Variants in TET2 observed in about 807,000 individuals in gnomAD.
TET2 encodes the protein methylcytosine dioxygenase TET2.
TET2 carries 299 observed loss-of-function variants against 142.9 expected under a neutral mutation model. That is an observed-to-expected ratio of 2.09 (90% CI 1.90 to 2.30). The LOEUF is 2.30. TET2 is among the 30% of genes most tolerant of loss of function. TET2 has a pLI of 0.00. For missense variants in TET2, 2,418 were observed against 2,378.0 expected (o/e 1.02, Z -0.35); for synonymous variants, 819 against 849.0 (o/e 0.96, Z 0.61).
In TET2 at chr4:105,146,926, A is replaced by T. The variant is rs1723049856; in HGVS notation, c.-246A>T. 1 of 152,380 alleles carries T rather than the reference A, an allele frequency of 6.6e-6. No homozygotes were observed. Among genetic ancestry groups the T allele is most frequent in the Non-Finnish European group, 1.5e-5 (1 of 68,202 alleles). The allele number at this position is 152,380 out of a possible 1,614,324, so 9.4% of individuals were successfully genotyped here. On this transcript the variant is annotated 5_prime_UTR_variant, in exon 1 of 11. It adds an upstream start codon to the 5' untranslated region. Coordinates refer to ENST00000380013, the MANE Select transcript of TET2 (RefSeq NM_001127208.3). The stretch of plus-strand genomic sequence containing the variant: ...GGCTGCCCTTTAGGATTTGTTAGAA[A>T]GGAGACCCGACTGCAACTGCTGGAT...
At chr4:105,252,439 G>A (rs946151429) in intron 6 of TET2, among the ~76,000 whole-genome samples, 2 of 152,116 alleles carry the variant, frequency 1.3e-5, no homozygotes, top group African/African-American at 4.8e-5. Context: ...CATCTTAGTT[G>A]CTTCCAAGTT....
chr4:105,247,714 CTTTTTTTTTTTT>C (rs1206510081), intron 6 of TET2, among the ~76,000 whole-genome samples: 25 of 65,312 alleles, frequency 3.8e-4, no homozygotes, highest in African/African-American at 1.2e-3. Flanking sequence ...TTTTTCTTTT[CTTTTTTTTTTTT>C]TTTTTTTTTT....
At chr4:105,148,296 C>G (rs1044860149) in intron 1 of TET2, among the ~76,000 whole-genome samples, 3 of 152,168 alleles carry the variant, frequency 2.0e-5, no homozygotes, top group Non-Finnish European at 4.4e-5. Flanking sequence ...CTCCCTTCTT[C>G]ATCTAATGTT....
At chr4:105,266,774 T>C (rs531209495) in intron 8 of TET2, among the ~76,000 whole-genome samples, 40 of 152,034 alleles carry the variant, frequency 2.6e-4, no homozygotes, top group Admixed American at 5.2e-4. Flanking sequence ...GTTACACTAA[T>C]ATATGTGTAA....
chr4:105,170,207 C>T (rs116428948), intron 1 of TET2, among the ~76,000 whole-genome samples: 20 of 152,236 alleles, frequency 1.3e-4, no homozygotes, highest in African/African-American at 4.3e-4. Context: ...TCTGCTTTCT[C>T]CAGTAGATGT....
At chr4:105,169,877 A>G (rs1488671487) in intron 1 of TET2, among the ~76,000 whole-genome samples, 1 of 152,068 alleles carries the variant, frequency 6.6e-6, no homozygotes, top group Non-Finnish European at 1.5e-5. Flanking sequence ...TGCTTTGTCA[A>G]AGGTCAGTTG....
At position 105,275,927 on chromosome 4, in the gene TET2, A is replaced by ATGATAGAACTGCT; in HGVS notation, c.5420_5432dup (p.Cys1811Ter). 1 of 1,552,046 alleles carries ATGATAGAACTGCT rather than the reference A, an allele frequency of 6.4e-7. No homozygotes were observed. The highest frequency in any genetic ancestry group is 8.7e-7 in the Non-Finnish European group (1 of 1,147,040). On this transcript the variant is annotated frameshift_variant, in exon 11 of 11. Coordinates refer to ENST00000380013, the MANE Select transcript of TET2 (RefSeq NM_001127208.3). LOFTEE classifies it low-confidence loss of function (END_TRUNC). ...TCAAAGATGCTTCCAGCTCTTAACC[A>ATGATAGAACTGCT]TGATAGAACTGCTTGTGTCCAAGGA...
intron 1 of TET2, among the ~76,000 whole-genome samples, chr4:105,169,467 T>C (rs1306987403): frequency 1.3e-5 from 2 of 152,224 alleles, no homozygotes; most frequent in Non-Finnish European, 2.9e-5. Context: ...TCCTTGTAGA[T>C]TCTAGATATT....
chr4:105,247,518 C>CT (rs1362528388), intron 6 of TET2, among the ~76,000 whole-genome samples: 1 of 152,044 alleles, frequency 6.6e-6, no homozygotes, highest in South Asian at 2.1e-4. Context: ...TCACAAGCCT[C>CT]TTTTTATTTA....
At chr4:105,232,254 C>T (rs1728552009) in intron 2 of TET2, among the ~76,000 whole-genome samples, 1 of 152,136 alleles carries the variant, frequency 6.6e-6, no homozygotes, top group Non-Finnish European at 1.5e-5. Flanking sequence ...CTTTCTTTAT[C>T]CAGTCTACTA....
Position 105,276,201 on chromosome 4 carries a change from CTCCCTCGTCT to C in TET2, c.5693_5702del (p.Ser1898PhefsTer7). On this transcript the variant is annotated frameshift_variant, in exon 11 of 11. Transcript: ENST00000380013. LOFTEE classifies it high-confidence loss of function. ...CCAATAGGAATCACCCCACCAGGAT[CTCCCTCGTCT>C]TTTACCAGCATAAGAGCATGAATGA... 6.4e-7 allele frequency: 1 copy of C among 1,551,650 alleles called. No homozygotes were observed. Among genetic ancestry groups the C allele is most frequent in the Non-Finnish European group, 8.7e-7 (1 of 1,146,980 alleles).
In TET2 at chr4:105,278,887, C is replaced by T; in HGVS notation, c.*2368C>T. 1 of 233,006 alleles carries T rather than the reference C, an allele frequency of 4.3e-6. No homozygotes were observed. The highest frequency in any genetic ancestry group is 6.1e-5 in the East Asian group (1 of 16,508). 14.4% of individuals were successfully genotyped at this position (233,006 alleles called of 1,614,324 possible). ...ACTGAAGGTACATACTCCATGTGGACTTCCCTTAAACAGGCAAACACCTAC... is the reference window on the plus strand; with the variant it reads ...ACTGAAGGTACATACTCCATGTGGATTTCCCTTAAACAGGCAAACACCTAC... On this transcript the variant is annotated 3_prime_UTR_variant, in exon 11 of 11. Coordinates refer to ENST00000380013, the MANE Select transcript of TET2 (RefSeq NM_001127208.3).
At chr4:105,241,981 T>G (rs1198768211) in intron 4 of TET2, 2 of 1,243,412 alleles carry the variant, frequency 1.6e-6, no homozygotes, top group Non-Finnish European at 2.0e-6. Context: ...ATACAAGTAC[T>G]TGCCTTTACT....
intron 9 of TET2, among the ~76,000 whole-genome samples, chr4:105,270,021 A>C (rs954351109): frequency 6.6e-6 from 1 of 152,198 alleles, no homozygotes; most frequent in African/African-American, 2.4e-5. Flanking sequence ...AGCATGGGAA[A>C]GATCTGCCCC....
intron 2 of TET2, among the ~76,000 whole-genome samples, chr4:105,229,851 A>G (rs997545756): frequency 6.6e-6 from 1 of 151,844 alleles, no homozygotes; most frequent in Admixed American, 6.6e-5. Flanking sequence ...ATTCCATTTA[A>G]TTACTGGGAG....
chr4:105,256,114 GATTGAT>G (rs1451083886), intron 6 of TET2, among the ~76,000 whole-genome samples: 1 of 151,914 alleles, frequency 6.6e-6, no homozygotes, highest in East Asian at 1.9e-4. Context: ...TTTTAAATCA[GATTGAT>G]ATTGTCATTT....
chr4:105,162,568 A>G (rs1433406847), intron 1 of TET2, among the ~76,000 whole-genome samples: 2 of 152,240 alleles, frequency 1.3e-5, no homozygotes, highest in African/African-American at 4.8e-5. Flanking sequence ...TTAGTATTCA[A>G]GAACTGAAGG....
At chr4:105,150,995 A>G (rs1371193031) in intron 1 of TET2, among the ~76,000 whole-genome samples, 1 of 152,204 alleles carries the variant, frequency 6.6e-6, no homozygotes, top group African/African-American at 2.4e-5. Flanking sequence ...TCTTTTTCTC[A>G]AAAGAATAGA....
chr4:105,163,213 A>ATG (rs1288417587), intron 1 of TET2, among the ~76,000 whole-genome samples: 1 of 152,022 alleles, frequency 6.6e-6, no homozygotes, highest in African/African-American at 2.4e-5. Flanking sequence ...CTGTGTATGT[A>ATG]TGTGTGTGTT....
Sources: allele counts gnomAD v4.1 joint callset (sites outside exome capture counted in the v4.1 genomes callset), GRCh38; gene constraint gnomAD v4.1.1; transcripts MANE v1.5; gene names NCBI Gene and HGNC (gene_info 2026-07-23, HGNC 2026-07-21).